EDNRA: variants seen among roughly 807,000 people sequenced by gnomAD.
EDNRA encodes the protein endothelin receptor type A.
EDNRA carries 11 observed loss-of-function variants against 41.4 expected under a neutral mutation model. The ratio of observed to expected loss-of-function variants is 0.27; its 90% CI spans 0.17 to 0.44. The LOEUF is 0.44. Among genes scored for constraint, EDNRA ranks in the 20% least tolerant of loss-of-function variants. The pLI, the probability that EDNRA is intolerant of heterozygous loss-of-function variation, is 1.00. For missense variants in EDNRA, 294 were observed against 531.0 expected (o/e 0.55, Z 4.39); for synonymous variants, 172 against 183.0 (o/e 0.94, Z 0.49).
chr4:147,542,419 T>C (rs1440994585), intron 7 of EDNRA, 59 bp from the exon 8 acceptor site: 23 of 1,609,226 alleles, frequency 1.4e-5, no homozygotes, highest in Non-Finnish European at 2.0e-5. Flanking sequence ...AGGGCCGCTG[T>C]GTTTGGCCGG....
chr4:147,501,839 T>C (rs977477708), intron 2 of EDNRA, among the ~76,000 whole-genome samples: 3 of 152,216 alleles, frequency 2.0e-5, no homozygotes, highest in Admixed American at 6.5e-5. Context: ...CATGTTTATA[T>C]CTGTGGGTAC....
At chr4:147,499,425 T>C (rs1163573964) in intron 2 of EDNRA, among the ~76,000 whole-genome samples, 1 of 152,218 alleles carries the variant, frequency 6.6e-6, no homozygotes, top group Non-Finnish European at 1.5e-5. Flanking sequence ...CCACTAGGCA[T>C]AATGACATAA....
chr4:147,494,846 C>A (rs1408570076), intron 2 of EDNRA: 1 of 152,122 alleles, frequency 6.6e-6, no homozygotes, highest in African/African-American at 2.4e-5. Context: ...GTGACATGAA[C>A]TTGTTTACAT....
chr4:147,500,324 G>T (rs1000525208), intron 2 of EDNRA, among the ~76,000 whole-genome samples: 9 of 152,192 alleles, frequency 5.9e-5, no homozygotes, highest in Non-Finnish European at 1.3e-4. Flanking sequence ...GATAAGATAA[G>T]AAATATCTCA....
intron 4 of EDNRA, among the ~76,000 whole-genome samples, chr4:147,533,036 TATAC>T (rs1319200610): frequency 6.9e-6 from 1 of 144,742 alleles, no homozygotes; most frequent in Non-Finnish European, 1.5e-5. Context: ...TATATATATA[TATAC>T]ATATGCTATT....
At chr4:147,502,983 C>T (rs1440886076) in intron 2 of EDNRA, among the ~76,000 whole-genome samples, 1 of 151,684 alleles carries the variant, frequency 6.6e-6, no homozygotes, top group Non-Finnish European at 1.5e-5. Flanking sequence ...TACCTAAATT[C>T]GTAGGTTTAG....
chr4:147,496,957 C>T (rs575059654), intron 2 of EDNRA, among the ~76,000 whole-genome samples: 1 of 152,106 alleles, frequency 6.6e-6, no homozygotes, highest in Middle Eastern at 3.4e-3. Flanking sequence ...ATATAAAAAC[C>T]TATAGCTGTG....
intron 2 of EDNRA, among the ~76,000 whole-genome samples, chr4:147,499,963 C>T (rs1414986255): frequency 6.6e-6 from 1 of 152,116 alleles, no homozygotes; most frequent in East Asian, 1.9e-4. Flanking sequence ...CACCACCACA[C>T]CCAGCTAATC....
intron 2 of EDNRA, among the ~76,000 whole-genome samples, chr4:147,517,065 T>C (rs1227807144): frequency 5.3e-5 from 8 of 151,952 alleles, no homozygotes; most frequent in Admixed American, 2.0e-4. Context: ...CAATTAACAG[T>C]GGTTGCCTTT....
chr4:147,532,726 T>C, intron 4 of EDNRA, 22 bp downstream of exon 4: 3 of 1,611,470 alleles, frequency 1.9e-6, no homozygotes, highest in Non-Finnish European at 2.5e-6. Context: ...TTAAAAGGAA[T>C]TAACTGGGGA....
At chr4:147,490,181 ACACAC>A (rs1560893312) in intron 2 of EDNRA, 1 of 142,906 alleles carries the variant, frequency 7.0e-6, no homozygotes, top group African/African-American at 2.7e-5. Flanking sequence ...ACACACACAC[ACACAC>A]AACCTGATGA....
At chr4:147,485,363 C>A (rs541513309) in intron 1 of EDNRA, among the ~76,000 whole-genome samples, 3 of 151,962 alleles carry the variant, frequency 2.0e-5, no homozygotes, top group African/African-American at 7.3e-5. Flanking sequence ...GAGACAGAGA[C>A]GGAGATGACA....
At chr4:147,502,786 A>G (rs1034851471) in intron 2 of EDNRA, among the ~76,000 whole-genome samples, 6 of 152,210 alleles carry the variant, frequency 3.9e-5, no homozygotes, top group African/African-American at 1.4e-4. Flanking sequence ...ATGTGATAAC[A>G]TGTCTGTAGC....
chr4:147,542,444 G>T, intron 7 of EDNRA, 34 bp from the exon 8 acceptor site: 5 of 1,613,200 alleles, frequency 3.1e-6, no homozygotes, highest in Non-Finnish European at 3.4e-6. Flanking sequence ...GGGCTGGTAG[G>T]CTCGCCTTAC....
At position 147,542,683 on chromosome 4, in the gene EDNRA, TG is replaced by T; in HGVS notation, c.*66del. ...TCGGAGAAAAAAATCACAAGGCAAC[TG>T]TGAGTCCGGGAATCTCTTCTCTGAT... is the stretch of plus-strand genomic sequence containing the variant. On this transcript the variant is annotated 3_prime_UTR_variant, in exon 8 of 8. Coordinates refer to ENST00000651419, the MANE Select transcript of EDNRA (RefSeq NM_001957.4). 1 of 1,576,832 alleles carries T rather than the reference TG, an allele frequency of 6.3e-7. No individual in the cohort carries two copies. The highest frequency in any genetic ancestry group is 8.6e-7 in the Non-Finnish European group (1 of 1,158,526).
chr4:147,532,033 C>T (rs969844142), intron 3 of EDNRA, among the ~76,000 whole-genome samples: 3 of 146,936 alleles, frequency 2.0e-5, no homozygotes, highest in South Asian at 2.2e-4. Flanking sequence ...AAAAAAAAGG[C>T]CAGGTGCAGT....
At position 147,481,669 on chromosome 4, in the gene EDNRA, A is replaced by G. The variant is rs375429138; in HGVS notation, c.-71+293A>G. On this transcript the variant is annotated intron_variant, in intron 1 of 7. Coordinates refer to ENST00000651419, the MANE Select transcript of EDNRA (RefSeq NM_001957.4). ...CGGAGTTTTAGGAAGAGGAAGCCCA[A>G]TAGTTTTCCCTGGGTGACCCCTTTT... 9.9e-4 allele frequency among the ~76,000 whole-genome samples: 151 copies of G among 152,316 alleles called. 6 individuals carry two copies. The South Asian group carries it at 0.029, about 29-fold the overall frequency.
intron 2 of EDNRA, among the ~76,000 whole-genome samples, chr4:147,505,326 C>CTTT (rs1729660192): frequency 1.6e-4 from 13 of 82,014 alleles, no homozygotes; most frequent in African/African-American, 6.0e-4. Flanking sequence ...TTTCTTTTTT[C>CTTT]ATTTTTTTTT....
chr4:147,499,578 A>G (rs927053899), intron 2 of EDNRA, among the ~76,000 whole-genome samples: 1 of 152,216 alleles, frequency 6.6e-6, no homozygotes, highest in African/African-American at 2.4e-5. Context: ...CATGTTTTCT[A>G]ATCAAAATTA....
Sources: allele counts gnomAD v4.1 joint callset (sites outside exome capture counted in the v4.1 genomes callset), GRCh38; gene constraint gnomAD v4.1.1; transcripts MANE v1.5; gene names NCBI Gene and HGNC (gene_info 2026-07-23, HGNC 2026-07-21).